Variants in ATP11B observed in about 807,000 individuals in gnomAD.
The protein encoded by ATP11B is ATPase phospholipid transporting 11B (putative), also known as phospholipid-transporting ATPase IF.
A neutral mutation model predicts 157.8 loss-of-function variants in ATP11B; 81 were observed. The ratio of observed to expected loss-of-function variants is 0.51; its 90% CI spans 0.43 to 0.62. ATP11B has a LOEUF of 0.62. Ranked by LOEUF, ATP11B falls within the 20% of genes least tolerant of loss-of-function variation. The pLI, the probability that ATP11B is intolerant of heterozygous loss-of-function variation, is 0.00. For synonymous variants in ATP11B, 451 were observed against 469.4 expected (o/e 0.96, Z 0.51); for missense variants, 1,165 against 1,402.2 (o/e 0.83, Z 2.70).
At chr3:182,861,112 C>T (rs1016156756) in intron 12 of ATP11B, among the ~76,000 whole-genome samples, 3 of 146,298 alleles carry the variant, frequency 2.1e-5, no homozygotes, top group Non-Finnish European at 3.0e-5. Flanking sequence ...GTTGCCCAGG[C>T]TGGAGTGCAA....
intron 21 of ATP11B, among the ~76,000 whole-genome samples, chr3:182,881,190 C>T (rs1252621568): frequency 6.6e-6 from 1 of 152,066 alleles, no homozygotes; most frequent in Non-Finnish European, 1.5e-5. Flanking sequence ...AATCCCAGCA[C>T]TTTGGGGGGT....
intron 25 of ATP11B, among the ~76,000 whole-genome samples, chr3:182,890,188 G>A (rs750263236): frequency 5.3e-4 from 80 of 152,252 alleles, no homozygotes; most frequent in Middle Eastern, 3.4e-3. Flanking sequence ...GAGACTCTTG[G>A]CAGAGCTAGA....
intron 1 of ATP11B, among the ~76,000 whole-genome samples, chr3:182,810,161 A>G (rs1465681202): frequency 3.3e-5 from 5 of 152,028 alleles, no homozygotes; most frequent in Admixed American, 1.3e-4. Flanking sequence ...GTGAAACCCC[A>G]TCTCTACTAA....
chr3:182,881,382 C>A (rs1308761910), intron 21 of ATP11B, among the ~76,000 whole-genome samples: 1 of 150,088 alleles, frequency 6.7e-6, no homozygotes, highest in Non-Finnish European at 1.5e-5. Flanking sequence ...TGCAGTGAGC[C>A]GAGGCTGAGG....
intron 3 of ATP11B, among the ~76,000 whole-genome samples, chr3:182,828,899 G>A (rs1355855042): frequency 6.6e-6 from 1 of 152,038 alleles, no homozygotes; most frequent in African/African-American, 2.4e-5. Flanking sequence ...TTTCAGTGTA[G>A]CATCAAATAT....
At chr3:182,875,917 T>C (rs1421618012) in intron 19 of ATP11B, among the ~76,000 whole-genome samples, 2 of 152,212 alleles carry the variant, frequency 1.3e-5, no homozygotes, top group Admixed American at 6.5e-5. Context: ...AGAAATTAAT[T>C]GCTCAGAATC....
At chr3:182,836,649 G>A (rs1458778516) in intron 6 of ATP11B, 179 bp downstream of exon 6, 3 of 683,856 alleles carry the variant, frequency 4.4e-6, no homozygotes, top group Non-Finnish European at 6.9e-6. Flanking sequence ...TTATTTCAAG[G>A]GTAGCCTCAC....
At chr3:182,915,169 A>G in intron 29 of ATP11B, 1 of 985,386 alleles carries the variant, frequency 1.0e-6, no homozygotes, top group Non-Finnish European at 1.2e-6. Context: ...TTACTGGTGA[A>G]CTTGTTAGTT....
intron 1 of ATP11B, among the ~76,000 whole-genome samples, chr3:182,812,392 G>T (rs1243338501): frequency 6.6e-6 from 1 of 152,160 alleles, no homozygotes; most frequent in African/African-American, 2.4e-5. Context: ...TCTGGATACT[G>T]CAGCCATAAA....
chr3:182,859,661 C>G (rs1004745048), intron 12 of ATP11B, among the ~76,000 whole-genome samples: 2 of 152,140 alleles, frequency 1.3e-5, no homozygotes, highest in African/African-American at 4.8e-5. Flanking sequence ...CCATAGCCCC[C>G]TAATACTATC....
At chr3:182,892,899 T>C (rs745500911) in intron 25 of ATP11B, among the ~76,000 whole-genome samples, 38 of 152,236 alleles carry the variant, frequency 2.5e-4, no homozygotes, top group Non-Finnish European at 4.4e-4. Flanking sequence ...TACTCCTTAA[T>C]GAGTTGCCAG....
chr3:182,825,711 A>C (rs951211488), intron 2 of ATP11B, among the ~76,000 whole-genome samples: 1 of 141,948 alleles, frequency 7.0e-6, no homozygotes, highest in African/African-American at 2.7e-5. Flanking sequence ...TGACTGAGTG[A>C]GACTCTGTCT....
chr3:182,908,798 GA>G (rs1724563589), intron 28 of ATP11B, among the ~76,000 whole-genome samples: 1 of 152,126 alleles, frequency 6.6e-6, no homozygotes, highest in South Asian at 2.1e-4. Context: ...AATCAGATTT[GA>G]AAATCAGTAA....
rs115982829 is a variant in ATP11B at position 182,884,769 on chromosome 3, A to G, written c.2526A>G (p.Glu842=). Residue 842 remains glutamate, a synonymous_variant, in exon 22 of 30, where the codon GAA becomes GAG. Coordinates refer to ENST00000323116, the MANE Select transcript of ATP11B (RefSeq NM_014616.3). The part of the protein sequence containing the change: ...AHVGIGIMGK[E]GRQAARNSDY... ...TTATTATAGGAATCATGGGTAAAGAAGGAAGACAGGCTGCAAGAAACAGTG... is the reference window on the plus strand; with the variant it reads ...TTATTATAGGAATCATGGGTAAAGAGGGAAGACAGGCTGCAAGAAACAGTG... The G allele has an allele frequency of 9.8e-5, 156 of 1,594,828 alleles. No homozygotes were observed. In the African/African-American group the frequency reaches 2.0e-3, roughly 21 times the overall value.
chr3:182,800,745 T>A (rs1275751110), intron 1 of ATP11B, among the ~76,000 whole-genome samples: 42 of 151,926 alleles, frequency 2.8e-4, no homozygotes, highest in Admixed American at 2.7e-3. Context: ...TTAATTTTCG[T>A]ATTTTCTTAT....
chr3:182,893,897 G>C (rs1413383607), intron 25 of ATP11B, among the ~76,000 whole-genome samples: 2 of 152,110 alleles, frequency 1.3e-5, no homozygotes, highest in African/African-American at 4.8e-5. Flanking sequence ...GGAGTAAGGT[G>C]GTATCACATT....
Position 182,869,127 on chromosome 3 carries a change from A to G in ATP11B, c.1738A>G (p.Ser580Gly). The change falls in exon 16 of 30, where the codon AGT (serine) becomes GGT (glycine). Residue 580 changes from serine to glycine, a missense_variant. By Grantham distance (56) the Ser-to-Gly change is moderately conservative. Transcript: ENST00000323116. ...ATTTGATTCAGATCGTAGGAGAATG[A>G]GTGTAATTGTTCAGGCACCTTCAGG... The part of the protein sequence containing the change: ...LEFDSDRRRM[S>G]VIVQAPSGEK... 1 of 1,611,750 alleles carries G rather than the reference A, an allele frequency of 6.2e-7. No individual in the cohort carries two copies. Among genetic ancestry groups the G allele is most frequent in the Non-Finnish European group, 8.5e-7 (1 of 1,178,776 alleles).
chr3:182,848,481 GC>G lies in ATP11B; in HGVS notation c.776del (p.Ala259GlyfsTer12). On this transcript the variant is annotated frameshift_variant, in exon 10 of 30. Coordinates refer to ENST00000323116, the MANE Select transcript of ATP11B (RefSeq NM_014616.3). LOFTEE classifies it high-confidence loss of function. ...AATTTTGTTTTATTTTACAGGTGTTGCGGTATACACTGGAATGGAAACTAAG... is the reference window on the plus strand; with the variant it reads ...AATTTTGTTTTATTTTACAGGTGTTGGGTATACACTGGAATGGAAACTAAG... ...LKNTKEIFGV[A>X]VYTGMETKMA... 6.5e-7 allele frequency: 1 copy of G among 1,529,850 alleles called. No individual in the cohort carries two copies. The highest frequency in any genetic ancestry group is 1.3e-5 in the South Asian group (1 of 75,014). The allele number at this position is 1,529,850 out of a possible 1,614,324, so 94.8% of individuals were successfully genotyped here.
intron 27 of ATP11B, 69 bp downstream of exon 27, chr3:182,897,475 A>C: frequency 1.8e-6 from 2 of 1,102,776 alleles, no homozygotes; most frequent in Non-Finnish European, 2.6e-6. Flanking sequence ...GATAGGTTAC[A>C]TTATGAACAT....
Sources: allele counts gnomAD v4.1 joint callset (sites outside exome capture counted in the v4.1 genomes callset), GRCh38; gene constraint gnomAD v4.1.1; transcripts MANE v1.5; gene names NCBI Gene and HGNC (gene_info 2026-07-23, HGNC 2026-07-21).